The following ZNF853 variants were observed in gnomAD, a reference collection of about 807,000 sequenced individuals.
The protein encoded by ZNF853 is zinc finger protein 853.
A neutral mutation model predicts 94.7 loss-of-function variants in ZNF853; 57 were observed. That is an observed-to-expected ratio of 0.60 (90% CI 0.49 to 0.75). ZNF853 has a LOEUF of 0.75. Among genes scored for constraint, ZNF853 ranks in the 30% least tolerant of loss-of-function variants. The pLI, the probability that ZNF853 is intolerant of heterozygous loss-of-function variation, is 0.00. For missense variants in ZNF853, 785 were observed against 868.9 expected, an observed-to-expected ratio of 0.90 and a Z score of 1.21; for synonymous variants, 448 against 406.3, an observed-to-expected ratio of 1.10 and a Z score of -1.23.
chr7:6,618,755 C>G, intron 2 of ZNF853, among the ~76,000 whole-genome samples: 1 of 152,014 alleles, frequency 6.6e-6, no homozygotes, highest in Admixed American at 6.6e-5. Context: ...CCCAGGGAGT[C>G]AGAGTGGCCT....
In ZNF853 at chr7:6,621,974, A is replaced by G; in HGVS notation, c.983A>G (p.Asp328Gly). The change falls in exon 3 of 3, where the codon GAC becomes GGC. Residue 328 changes from aspartate (D) to glycine (G), a missense_variant. By Grantham distance (94) the Asp-to-Gly change is moderately conservative (BLOSUM62 -1). Transcript: ENST00000457543. ...EEVELELMPV[D>G]LGSEQELEQQ... ...GTGGAGCTGGAGCTCATGCCGGTGGACCTGGGGTCAGAGCAGGAGCTGGAG... is the reference window on the plus strand; with the variant it reads ...GTGGAGCTGGAGCTCATGCCGGTGGGCCTGGGGTCAGAGCAGGAGCTGGAG... 6.4e-7 allele frequency: 1 copy of G among 1,550,780 alleles called. No individual in the cohort carries two copies.
chr7:6,620,566 C>CCTTCCTTCT, intron 2 of ZNF853, among the ~76,000 whole-genome samples: 10 of 23,376 alleles, frequency 4.3e-4, no homozygotes, highest in Non-Finnish European at 5.9e-4. Flanking sequence ...CACCTACCTT[C>CCTTCCTTCT]CTTCCTTCCC....
At chr7:6,618,589 A>T in intron 2 of ZNF853, among the ~76,000 whole-genome samples, 1 of 152,142 alleles carries the variant, frequency 6.6e-6, no homozygotes, top group Admixed American at 6.6e-5. Context: ...GTGTACCTAT[A>T]GTCCCAGCCA....
chr7:6,617,259 G>C lies in ZNF853; in HGVS notation c.82G>C (p.Glu28Gln), dbSNP rs1192369891. ...GCCAGCCACCGAGACCTTCGTGCTG[G>C]AACTTCAATGTCTTGAGGATGGGGG... is the stretch of plus-strand genomic sequence containing the variant. ...VGPATETFVL[E>Q]LQCLEDGGPG... The change falls in exon 2 of 3, where the codon GAA becomes CAA. Residue 28 changes from glutamate (E) to glutamine (Q), a missense_variant. Coordinates refer to ENST00000457543, the MANE Select transcript of ZNF853 (RefSeq NM_017560.3). 2.6e-6 allele frequency: 4 copies of C among 1,527,810 alleles called. No individual in the cohort carries two copies. The highest frequency in any genetic ancestry group is 1.2e-5 in the South Asian group (1 of 82,440). 94.6% of individuals were successfully genotyped at this position (1,527,810 alleles called of 1,614,324 possible).
Position 6,623,159 on chromosome 7 carries a change from G to A in ZNF853, c.*188G>A. ...AAATACCAGGTTCACAGATTTCACC[G>A]CCAGAAAAATCCATCCGCCAAAAGA... On this transcript the variant is annotated 3_prime_UTR_variant, in exon 3 of 3. Coordinates refer to ENST00000457543, the MANE Select transcript of ZNF853 (RefSeq NM_017560.3). 3.7e-6 allele frequency: 2 copies of A among 538,028 alleles called. No homozygotes were observed. The highest frequency in any genetic ancestry group is 5.7e-6 in the Non-Finnish European group (2 of 353,706). 33.3% of individuals were successfully genotyped at this position (538,028 alleles called of 1,614,324 possible).
rs1464791084 is a variant in ZNF853 at position 6,615,660 on chromosome 7, C to G, written c.-515C>G. ...ACGGACGCACTCCCGGGCGGGCGGG[C>G]GAGCCCAGGGGGACCCGGCCTTGCC... On this transcript the variant is annotated 5_prime_UTR_variant, in exon 1 of 3. Coordinates refer to ENST00000457543, the MANE Select transcript of ZNF853 (RefSeq NM_017560.3). This position sits in a 1 kb window ranked among gnomAD's most constrained non-coding sequence, Gnocchi z 8.5. The G allele has an allele frequency of 6.9e-6, 1 of 145,308 alleles. No individual in the cohort carries two copies. Among genetic ancestry groups the G allele is most frequent in the Non-Finnish European group, 1.5e-5 (1 of 65,296 alleles). 9.0% of individuals were successfully genotyped at this position (145,308 alleles called of 1,614,324 possible). A position where few individuals can be genotyped will look rare whatever the true frequency, so the allele number is the denominator to read the frequency against.
intron 1 of ZNF853, among the ~76,000 whole-genome samples, chr7:6,616,667 G>C: frequency 6.6e-6 from 1 of 151,870 alleles, no homozygotes; most frequent in Non-Finnish European, 1.5e-5. Context: ...CTGGGGAGAC[G>C]GAGGTTGCAG....
At position 6,622,542 on chromosome 7, in the gene ZNF853, G is replaced by T. The variant is rs909383031; in HGVS notation, c.1551G>T (p.Glu517Asp). Residue 517 changes from glutamate (E) to aspartate (D), a missense_variant, in exon 3 of 3, where the codon GAG becomes GAT. Transcript: ENST00000457543. Reference sequence around the variant, plus strand: ...GTGAGCGGCCACACCGCTGCGGCGAGTGCGGCAAGGGCTTCTCGCAGCACT... The same window carrying T: ...GTGAGCGGCCACACCGCTGCGGCGATTGCGGCAAGGGCTTCTCGCAGCACT... ...HTGERPHRCG[E>D]CGKGFSQHSN... 6.4e-7 allele frequency: 1 copy of T among 1,551,660 alleles called. No individual in the cohort carries two copies. The highest frequency in any genetic ancestry group is 8.7e-7 in the Non-Finnish European group (1 of 1,148,204).
rs1212229257 is a variant in ZNF853, at chr7:6,622,839, G to A, written c.1848G>A (p.Glu616=). The A allele has an allele frequency of 1.3e-6, 2 of 1,517,498 alleles. No individual in the cohort carries two copies. The highest frequency in any genetic ancestry group is 1.8e-6 in the Non-Finnish European group (2 of 1,136,694). The allele number at this position is 1,517,498 out of a possible 1,614,324, so 94.0% of individuals were successfully genotyped here. ...ACAAGGTGCAGATCCGCCGCCACGAGCGCCAGCTGCACGGCGCGGGCCGCT... is the reference window on the plus strand; with the variant it reads ...ACAAGGTGCAGATCCGCCGCCACGAACGCCAGCTGCACGGCGCGGGCCGCT... The part of the protein sequence containing the change: ...FRHKVQIRRH[E]RQLHGAGRSR... The change falls in exon 3 of 3, where the codon GAG becomes GAA. Residue 616 remains glutamate, a synonymous_variant. Coordinates refer to ENST00000457543, the MANE Select transcript of ZNF853 (RefSeq NM_017560.3).
At chr7:6,617,123 C>T in intron 1 of ZNF853, 67 bp from the exon 2 acceptor site, 1 of 1,307,720 alleles carries the variant, frequency 7.6e-7, no homozygotes, top group Non-Finnish European at 1.0e-6. Context: ...CTTTGGGGGC[C>T]TGTGGGCACC....
At chr7:6,617,759 T>C in intron 2 of ZNF853, 2 of 492,890 alleles carry the variant, frequency 4.1e-6, no homozygotes, top group African/African-American at 2.1e-5. Flanking sequence ...CACTTTAGCT[T>C]GACCTCTGCT....
Position 6,621,585 on chromosome 7 carries a change from G to A in ZNF853, c.594G>A (p.Val198=). ...LQQQEQLQQQ[V]QEQQLLQQQQ... ...AGCAGGAACAGCTACAGCAGCAAGT[G>A]CAAGAGCAACAGCTGTTACAGCAAC... The change falls in exon 3 of 3, where the codon GTG becomes GTA. Residue 198 remains valine (V), a synonymous_variant. Transcript: ENST00000457543. The A allele has an allele frequency of 1.3e-6, 2 of 1,551,726 alleles. No homozygotes were observed. Among genetic ancestry groups the A allele is most frequent in the African/African-American group, 1.4e-5 (1 of 73,164 alleles).
In ZNF853 at chr7:6,622,406, C is replaced by A; in HGVS notation, c.1415C>A (p.Ala472Glu). ...GCAGGCAGCGCGGCGTTGACCCCTG[C>A]ACGGCAGCGGCGGCGGCGGCGCGCT... is the stretch of plus-strand genomic sequence containing the variant. ...GPAGSAALTP[A>E]RQRRRRRARD... The change falls in exon 3 of 3, where the codon GCA becomes GAA. Residue 472 changes from alanine to glutamate, a missense_variant. Coordinates refer to ENST00000457543, the MANE Select transcript of ZNF853 (RefSeq NM_017560.3). The A allele has an allele frequency of 7.1e-7, 1 of 1,406,774 alleles. No individual in the cohort carries two copies. The highest frequency in any genetic ancestry group is 9.2e-7 in the Non-Finnish European group (1 of 1,089,074). The allele number at this position is 1,406,774 out of a possible 1,614,324, so 87.1% of individuals were successfully genotyped here.
In ZNF853 at chr7:6,621,434, C is replaced by T. The variant is rs996154229; in HGVS notation, c.443C>T (p.Pro148Leu). The change falls in exon 3 of 3, where the codon CCA becomes CTA. Residue 148 changes from proline to leucine, a missense_variant. Coordinates refer to ENST00000457543, the MANE Select transcript of ZNF853 (RefSeq NM_017560.3). ...TCCGTGCACCATCAGGAACTGAAAC[C>T]AGAACTGCAGCTAATGCACCAGCAG... ...HQSVHHQELK[P>L]ELQLMHQQQQ... 3.9e-6 allele frequency: 6 copies of T among 1,551,628 alleles called. No individual in the cohort carries two copies. The African/African-American group carries it at 8.2e-5, about 21-fold the overall frequency.
rs552542783 is a variant in ZNF853 at position 6,616,060 on chromosome 7, T to C, written c.-115T>C. ...GCCCCCGGGGTGGCCCTGCGCCTCCTGGCTCTTTCTGGATGGAGGCGCCTC... is the reference window on the plus strand; with the variant it reads ...GCCCCCGGGGTGGCCCTGCGCCTCCCGGCTCTTTCTGGATGGAGGCGCCTC... On this transcript the variant is annotated 5_prime_UTR_variant, in exon 1 of 3. Coordinates refer to ENST00000457543, the MANE Select transcript of ZNF853 (RefSeq NM_017560.3). The C allele has an allele frequency of 5.6e-5, 60 of 1,067,450 alleles. No individual in the cohort carries two copies. The African/African-American group carries it at 8.8e-4, about 16-fold the overall frequency. 66.1% of individuals were successfully genotyped at this position (1,067,450 alleles called of 1,614,324 possible). A position where few individuals can be genotyped will look rare whatever the true frequency, so the allele number is the denominator to read the frequency against.
At chr7:6,621,085 ATCTT>A in intron 2 of ZNF853, 33 bp from the exon 3 acceptor site, 8 of 1,461,116 alleles carry the variant, frequency 5.5e-6, no homozygotes, top group Non-Finnish European at 7.2e-6. Context: ...CTTCCTGTAG[ATCTT>A]TCTCTCTTGG....
rs1441495273 is a variant in ZNF853 at position 6,622,026 on chromosome 7, G to T, written c.1035G>T (p.Gln345His). Residue 345 changes from glutamine (Q) to histidine (H), a missense_variant, in exon 3 of 3, where the codon CAG becomes CAT. Gln to His is a conservative substitution (Grantham distance 24). Coordinates refer to ENST00000457543, the MANE Select transcript of ZNF853 (RefSeq NM_017560.3). ...LEQQRQELER[Q>H]QELERQQEQR... ...AGCAGCGGCAGGAGTTGGAGCGGCA[G>T]CAGGAGCTGGAACGGCAGCAGGAGC... 3.9e-6 allele frequency: 6 copies of T among 1,549,020 alleles called. No homozygotes were observed. The East Asian group carries it at 7.3e-5, about 19-fold the overall frequency.
intron 2 of ZNF853, chr7:6,617,534 TAACACTC>T: frequency 1.1e-6 from 1 of 952,238 alleles, no homozygotes; most frequent in Non-Finnish European, 1.3e-6. Context: ...TGACTGGACT[TAACACTC>T]ACACGCGCTG....
chr7:6,620,688 C>A, intron 2 of ZNF853, among the ~76,000 whole-genome samples: 1 of 151,580 alleles, frequency 6.6e-6, no homozygotes, highest in African/African-American at 2.4e-5. Context: ...GTGGTGTGAT[C>A]TCGGCTCACT....
Sources: allele counts gnomAD v4.1 joint callset (sites outside exome capture counted in the v4.1 genomes callset), GRCh38; gene constraint gnomAD v4.1.1; non-coding constraint Gnocchi (gnomAD v3.1); transcripts MANE v1.5; gene names NCBI Gene and HGNC (gene_info 2026-07-23, HGNC 2026-07-21).